Variants in CNTNAP2 observed in about 807,000 individuals in gnomAD.
CNTNAP2 encodes the protein contactin associated protein 2.
In CNTNAP2, 98 loss-of-function variants were observed where a neutral mutation model predicts 155.2. That is an observed-to-expected ratio of 0.63 (90% CI 0.54 to 0.75). The LOEUF (loss-of-function observed/expected upper bound fraction) is 0.75. Among genes scored for constraint, CNTNAP2 ranks in the 30% least tolerant of loss-of-function variants. The pLI is 0.00. For missense variants in CNTNAP2, 1,727 were observed against 1,688.1 expected, an observed-to-expected ratio of 1.02 and a Z score of -0.40; for synonymous variants, 651 against 631.2, an observed-to-expected ratio of 1.03 and a Z score of -0.47.
At chr7:147,787,779 G>A (rs753508919) in intron 13 of CNTNAP2, among the ~76,000 whole-genome samples, 3 of 152,164 alleles carry the variant, frequency 2.0e-5, no homozygotes, top group East Asian at 1.9e-4. Context: ...AGGCAATAAT[G>A]AGAGCTAGTA....
chr7:147,349,282 T>G (rs1414017594), intron 9 of CNTNAP2, among the ~76,000 whole-genome samples: 8 of 151,730 alleles, frequency 5.3e-5, no homozygotes, highest in African/African-American at 1.9e-4. Flanking sequence ...AAAAGTAAAA[T>G]TTTAAAAAAA....
At chr7:147,902,253 A>T (rs1301548363) in intron 13 of CNTNAP2, among the ~76,000 whole-genome samples, 1 of 152,122 alleles carries the variant, frequency 6.6e-6, no homozygotes, top group Non-Finnish European at 1.5e-5. Context: ...ACTCCCACTG[A>T]TATTTTTTAT....
chr7:147,091,894 C>A (rs1188702555), intron 4 of CNTNAP2, among the ~76,000 whole-genome samples: 1 of 152,110 alleles, frequency 6.6e-6, no homozygotes, highest in Non-Finnish European at 1.5e-5. Context: ...GCGTGAGCCA[C>A]CGCGCCAGGC....
intron 1 of CNTNAP2, among the ~76,000 whole-genome samples, chr7:146,185,625 T>C (rs779338109): frequency 1.2e-4 from 18 of 152,176 alleles, no homozygotes; most frequent in Non-Finnish European, 2.4e-4. Flanking sequence ...TGGCACGTAG[T>C]AAGTGCTTTG....
intron 16 of CNTNAP2, among the ~76,000 whole-genome samples, chr7:148,131,336 A>T (rs1330361417): frequency 6.6e-6 from 1 of 152,036 alleles, no homozygotes; most frequent in African/African-American, 2.4e-5. Flanking sequence ...TGACCTTGTG[A>T]TCTGCCTGCC....
At chr7:147,653,504 G>A (rs1414470243) in intron 13 of CNTNAP2, among the ~76,000 whole-genome samples, 1 of 152,150 alleles carries the variant, frequency 6.6e-6, no homozygotes, top group Non-Finnish European at 1.5e-5. Flanking sequence ...CTCCATTAGG[G>A]TAGGGACTTG....
At chr7:146,959,080 C>G (rs571426880) in intron 3 of CNTNAP2, among the ~76,000 whole-genome samples, 1 of 151,806 alleles carries the variant, frequency 6.6e-6, no homozygotes, top group Non-Finnish European at 1.5e-5. Context: ...AGTGCAGTGG[C>G]GCCATCTCGG....
chr7:148,014,364 A>G (rs1301879423), intron 15 of CNTNAP2: 1 of 152,120 alleles, frequency 6.6e-6, no homozygotes, highest in South Asian at 2.1e-4. Context: ...TTTATTTCCA[A>G]TAAACAGCAG....
rs113507786 is a variant in CNTNAP2 at position 147,580,839 on chromosome 7, C to T, written c.1897+18582C>T. ...GCATGTTGACCAGGCTGGTCTCGAACTTCTGACCTCAGATGATCCGCCCGT... is the reference window on the plus strand; with the variant it reads ...GCATGTTGACCAGGCTGGTCTCGAATTTCTGACCTCAGATGATCCGCCCGT... On this transcript the variant is annotated intron_variant, in intron 12 of 23. Transcript: ENST00000361727. Among the ~76,000 whole-genome samples the T allele has an allele frequency of 9.2e-5, 14 of 152,294 alleles. 1 individual carries two copies. The highest frequency in any genetic ancestry group is 3.4e-4 in the African/African-American group (14 of 41,574).
chr7:146,161,957 A>T (rs1333702825), intron 1 of CNTNAP2, among the ~76,000 whole-genome samples: 1 of 152,204 alleles, frequency 6.6e-6, no homozygotes, highest in Non-Finnish European at 1.5e-5. Flanking sequence ...CTGGCTAGCC[A>T]TATGTAGAAA....
chr7:148,017,937 G>T (rs1445135447), intron 15 of CNTNAP2, among the ~76,000 whole-genome samples: 10 of 152,148 alleles, frequency 6.6e-5, no homozygotes, highest in Non-Finnish European at 1.3e-4. Context: ...TTTTATCTTT[G>T]TTAAAGGCAG....
At chr7:147,606,353 C>T (rs904940539) in intron 12 of CNTNAP2, among the ~76,000 whole-genome samples, 22 of 152,086 alleles carry the variant, frequency 1.4e-4, no homozygotes, top group Non-Finnish European at 1.6e-4. Flanking sequence ...TGCTAAGGAA[C>T]GGATTTATTT....
At chr7:146,119,737 G>A (rs1584758410) in intron 1 of CNTNAP2, among the ~76,000 whole-genome samples, 1 of 152,006 alleles carries the variant, frequency 6.6e-6, no homozygotes, top group African/African-American at 2.4e-5. Context: ...CTCTCATAAA[G>A]GCCAATTTAC....
chr7:148,210,193 T>C (rs1795520439), intron 18 of CNTNAP2, among the ~76,000 whole-genome samples: 2 of 152,142 alleles, frequency 1.3e-5, no homozygotes, highest in Admixed American at 1.3e-4. Context: ...CTGGCCAAGG[T>C]CAAAAAGCGA....
intron 1 of CNTNAP2, among the ~76,000 whole-genome samples, chr7:146,440,375 A>G (rs1283857427): frequency 1.3e-5 from 2 of 151,598 alleles, no homozygotes; most frequent in Non-Finnish European, 2.9e-5. Context: ...AATTTTTCTC[A>G]TAAGAAACTA....
chr7:148,142,541 C>T (rs762369275), intron 16 of CNTNAP2, among the ~76,000 whole-genome samples: 2 of 152,160 alleles, frequency 1.3e-5, no homozygotes, highest in African/African-American at 2.4e-5. Context: ...TGCCACCCCT[C>T]GAACCTTATT....
chr7:147,333,500 T>A (rs188043223), intron 9 of CNTNAP2, among the ~76,000 whole-genome samples: 4 of 152,278 alleles, frequency 2.6e-5, no homozygotes, highest in Non-Finnish European at 4.4e-5. Flanking sequence ...AATGAATCCT[T>A]TTAAACAACT....
At chr7:146,598,286 G>T (rs537026019) in intron 1 of CNTNAP2, among the ~76,000 whole-genome samples, 1 of 151,790 alleles carries the variant, frequency 6.6e-6, no homozygotes, top group African/African-American at 2.4e-5. Context: ...CACTTCCATC[G>T]TCATAATAAC....
chr7:147,187,064 T>C (rs1425496099), intron 8 of CNTNAP2, among the ~76,000 whole-genome samples: 1 of 93,752 alleles, frequency 1.1e-5, no homozygotes, highest in African/African-American at 2.7e-5. Flanking sequence ...AGGGCTGGCA[T>C]ATAAGGAGGA....
Sources: gnomAD v4.1 joint callset for allele counts (sites outside exome capture counted in the v4.1 genomes callset) on GRCh38, gnomAD v4.1.1 for gene constraint, MANE v1.5 for transcripts, NCBI Gene and HGNC (gene_info 2026-07-23, HGNC 2026-07-21) for gene names.